ZMIZ1: variants seen among roughly 807,000 people sequenced by gnomAD.
ZMIZ1 encodes the protein zinc finger MIZ-type containing 1, also known as zinc finger MIZ domain-containing protein 1.
Under a neutral mutation model 113.9 loss-of-function variants are expected in ZMIZ1, and 17 were observed. That is an observed-to-expected ratio of 0.15 (90% CI 0.10 to 0.22). The LOEUF is 0.22. Among genes scored for constraint, ZMIZ1 ranks in the 10% least tolerant of loss-of-function variants. The pLI is 1.00. For missense variants in ZMIZ1, 1,059 were observed against 1,477.8 expected, an observed-to-expected ratio of 0.72 and a Z score of 4.65; for synonymous variants, 607 against 603.1, an observed-to-expected ratio of 1.01 and a Z score of -0.09.
chr10:79,093,792 CCT>C (rs1411916626), intron 1 of ZMIZ1, among the ~76,000 whole-genome samples: 1 of 152,204 alleles, frequency 6.6e-6, no homozygotes, highest in Non-Finnish European at 1.5e-5. Flanking sequence ...CTCTTCAGGG[CCT>C]CTCTCTGGGC....
intron 5 of ZMIZ1, among the ~76,000 whole-genome samples, chr10:79,203,523 G>T (rs1848185924): frequency 6.6e-6 from 1 of 152,088 alleles, no homozygotes; most frequent in South Asian, 2.1e-4. Context: ...GGCTCAGCTG[G>T]CAGGGGCCCC....
intron 2 of ZMIZ1, among the ~76,000 whole-genome samples, chr10:79,121,634 A>G (rs1032554564): frequency 6.6e-6 from 1 of 152,204 alleles, no homozygotes; most frequent in African/African-American, 2.4e-5. Flanking sequence ...AGAGGTAGCC[A>G]CTGCTTGCAT....
Position 79,163,250 on chromosome 10 carries a change from G to T in ZMIZ1, c.-50+1117G>T, listed in dbSNP as rs190793972. Among the ~76,000 whole-genome samples the T allele has an allele frequency of 3.3e-3, 508 of 152,332 alleles. 5 individuals are homozygous for T. Among genetic ancestry groups the T allele is most frequent in the Non-Finnish European group, 6.0e-3 (406 of 68,030 alleles). On this transcript the variant is annotated intron_variant, in intron 4 of 24. Transcript: ENST00000334512. ...AGCTTAGCGCTTCCAGGGGCCTAGG[G>T]GCAGGGCCAGGCGAGCCTCAGTCAA...
chr10:79,201,274 C>T (rs537012483), intron 4 of ZMIZ1, among the ~76,000 whole-genome samples: 1 of 152,312 alleles, frequency 6.6e-6, no homozygotes, highest in Admixed American at 6.5e-5. Context: ...CGCCATTGCA[C>T]TCCAGCCTAG....
At chr10:79,224,450 G>T (rs1216555191) in intron 7 of ZMIZ1, among the ~76,000 whole-genome samples, 1 of 152,108 alleles carries the variant, frequency 6.6e-6, no homozygotes, top group South Asian at 2.1e-4. Flanking sequence ...AGCTCCAGGG[G>T]ACAGACCTCT....
chr10:79,144,198 A>T (rs16936906), intron 3 of ZMIZ1, among the ~76,000 whole-genome samples: 1 of 152,170 alleles, frequency 6.6e-6, no homozygotes, highest in Non-Finnish European at 1.5e-5. Context: ...CTTTGGTGAC[A>T]TCAGGCGGGA....
chr10:79,305,340 C>T, intron 20 of ZMIZ1, 109 bp downstream of exon 20: 3 of 1,361,736 alleles, frequency 2.2e-6, no homozygotes, highest in Non-Finnish European at 3.1e-6. Context: ...AGAACCCAAA[C>T]ATGGCAGAGG....
chr10:79,214,260 C>T (rs1014976597), intron 6 of ZMIZ1, among the ~76,000 whole-genome samples: 1 of 152,152 alleles, frequency 6.6e-6, no homozygotes, highest in African/African-American at 2.4e-5. Flanking sequence ...AAACAGAGCC[C>T]GTGGGAAAGA....
chr10:79,222,210 C>T (rs1053776273), intron 7 of ZMIZ1, among the ~76,000 whole-genome samples: 1 of 152,150 alleles, frequency 6.6e-6, no homozygotes, highest in Non-Finnish European at 1.5e-5. Context: ...ATACAAGTTG[C>T]CAGCATTCAC....
intron 7 of ZMIZ1, among the ~76,000 whole-genome samples, chr10:79,239,342 C>T (rs141746317): frequency 3.9e-5 from 6 of 152,266 alleles, no homozygotes; most frequent in East Asian, 1.9e-4. Context: ...TACACTCCCA[C>T]GTGTCCTGAG....
chr10:79,199,308 C>T (rs1368099595), intron 4 of ZMIZ1, among the ~76,000 whole-genome samples: 1 of 152,098 alleles, frequency 6.6e-6, no homozygotes, highest in Non-Finnish European at 1.5e-5. Flanking sequence ...GAGATTGAGA[C>T]CATCCTGGCT....
chr10:79,154,324 G>A (rs1178365856), intron 3 of ZMIZ1, among the ~76,000 whole-genome samples: 1 of 152,126 alleles, frequency 6.6e-6, no homozygotes, highest in Non-Finnish European at 1.5e-5. Context: ...CCTCTGCCAG[G>A]CCCATTTAAT....
At chr10:79,300,358 T>C (rs775134537) in intron 16 of ZMIZ1, among the ~76,000 whole-genome samples, 10 of 152,170 alleles carry the variant, frequency 6.6e-5, no homozygotes, top group Non-Finnish European at 1.0e-4. Context: ...CCAGCAGGTC[T>C]AGAGATGGGG....
intron 1 of ZMIZ1, among the ~76,000 whole-genome samples, chr10:79,090,218 T>G (rs753967117): frequency 2.0e-5 from 3 of 152,198 alleles, no homozygotes; most frequent in Non-Finnish European, 2.9e-5. Context: ...GACTCCCAGG[T>G]GCAGTGCCTG....
intron 5 of ZMIZ1, among the ~76,000 whole-genome samples, chr10:79,204,299 C>T (rs1048867434): frequency 2.6e-5 from 4 of 152,206 alleles, no homozygotes; most frequent in African/African-American, 9.6e-5. Flanking sequence ...TGTCCCCTCA[C>T]AGCCTCTATC....
intron 7 of ZMIZ1, among the ~76,000 whole-genome samples, chr10:79,226,497 A>G (rs1849204823): frequency 6.6e-6 from 1 of 152,218 alleles, no homozygotes; most frequent in Non-Finnish European, 1.5e-5. Flanking sequence ...TGAGGATGCC[A>G]TGGCTGCCCA....
chr10:79,069,004 C>A lies in ZMIZ1; in HGVS notation c.-603C>A. ...CTAACGCCGAGTTCCTTTTCACTGT[C>A]TGTGGACATTAAAAAAGCGAGCGGC... On this transcript the variant is annotated 5_prime_UTR_variant, in exon 1 of 25. In the 5' UTR this introduces an upstream ATG that the reference lacks. Coordinates refer to ENST00000334512, the MANE Select transcript of ZMIZ1 (RefSeq NM_020338.4). This position sits in a 1 kb window ranked among gnomAD's most constrained non-coding sequence, Gnocchi z 4.6. 6.6e-6 allele frequency: 1 copy of A among 151,912 alleles called. No homozygotes were observed. Among genetic ancestry groups the A allele is most frequent in the South Asian group, 1.8e-4 (1 of 5,572 alleles). 9.4% of individuals were successfully genotyped at this position (151,912 alleles called of 1,614,324 possible).
intron 7 of ZMIZ1, among the ~76,000 whole-genome samples, chr10:79,265,468 CTTTTT>C (rs35682814): frequency 1.1e-5 from 1 of 91,658 alleles, no homozygotes. Flanking sequence ...TTTTTCTTTT[CTTTTT>C]TTTTTTTTTT....
At chr10:79,147,567 AG>A (rs1196150524) in intron 3 of ZMIZ1, among the ~76,000 whole-genome samples, 2 of 152,200 alleles carry the variant, frequency 1.3e-5, no homozygotes, top group Non-Finnish European at 2.9e-5. Context: ...GTCAGAACAC[AG>A]ACCTTCTGGA....
Sources: allele counts gnomAD v4.1 joint callset (sites outside exome capture counted in the v4.1 genomes callset), GRCh38; gene constraint gnomAD v4.1.1; non-coding constraint Gnocchi (gnomAD v3.1); transcripts MANE v1.5; gene names NCBI Gene and HGNC (gene_info 2026-07-23, HGNC 2026-07-21).